KLRG1: variants seen among roughly 807,000 people sequenced by gnomAD.
KLRG1 encodes killer cell lectin like receptor G1, also known as killer cell lectin-like receptor subfamily G member 1.
In KLRG1, 16 loss-of-function variants were observed where a neutral mutation model predicts 21.8. That is an observed-to-expected ratio of 0.73 (90% CI 0.50 to 1.11). KLRG1 has a LOEUF of 1.11. Ranked by LOEUF, KLRG1 falls within the 50% of genes most tolerant of loss-of-function variation. The pLI is 0.00. For synonymous variants in KLRG1, 69 were observed against 75.9 expected, an observed-to-expected ratio of 0.91 and a Z score of 0.47; for missense variants, 173 against 218.3, an observed-to-expected ratio of 0.79 and a Z score of 1.31.
the KLRG1 span, among the ~76,000 whole-genome samples, chr12:9,139,840 A>AT: frequency 7.6e-6 from 1 of 131,364 alleles, no homozygotes; most frequent in South Asian, 2.5e-4. Flanking sequence ...CTGAGAGGGG[A>AT]TTCTGACCAA....
At chr12:9,089,211 AG>A in the KLRG1 span, 1 of 1,589,182 alleles carries the variant, frequency 6.3e-7, no homozygotes, top group Non-Finnish European at 8.6e-7. Context: ...TGATGGACAA[AG>A]TAGGGAGTTG....
chr12:9,085,538 T>C, the KLRG1 span, among the ~76,000 whole-genome samples: 1 of 151,634 alleles, frequency 6.6e-6, no homozygotes, highest in Admixed American at 6.6e-5. Context: ...CTTATAACAA[T>C]AAACACCAAA....
the KLRG1 span, among the ~76,000 whole-genome samples, chr12:9,187,164 A>G: frequency 2.6e-5 from 4 of 151,904 alleles, no homozygotes; most frequent in African/African-American, 4.8e-5. Context: ...ATCTACATGC[A>G]CCCAACACAG....
chr12:8,996,013 A>G (rs1371135325), intron 3 of KLRG1, among the ~76,000 whole-genome samples: 1 of 152,174 alleles, frequency 6.6e-6, no homozygotes, highest in Non-Finnish European at 1.5e-5. Flanking sequence ...GGAGGGAAAG[A>G]TAGAGATCAC....
At chr12:9,107,249 G>C in the KLRG1 span, among the ~76,000 whole-genome samples, 1 of 152,110 alleles carries the variant, frequency 6.6e-6, no homozygotes, top group Non-Finnish European at 1.5e-5. Flanking sequence ...GCAATTAAGA[G>C]GTGTATGGTT....
chr12:9,009,467 A>G lies in KLRG1; in HGVS notation c.500A>G (p.Asn167Ser), dbSNP rs1356141582. The G allele has an allele frequency of 1.2e-6, 2 of 1,613,846 alleles. No homozygotes were observed. The highest frequency in any genetic ancestry group is 1.7e-6 in the Non-Finnish European group (2 of 1,179,944). The change falls in exon 5 of 5, where the codon AAC (asparagine) becomes AGC (serine). Residue 167 changes from asparagine to serine, a missense_variant. Asn to Ser is a conservative substitution (Grantham distance 46). Around this residue, in one of 3 missense-constraint regions of KLRG1, gnomAD observed 26 missense variants for 36.9 expected, o/e 0.70. Coordinates refer to ENST00000356986, the MANE Select transcript of KLRG1 (RefSeq NM_005810.4). ...TTTGTGCAGACATGCGGTGCCATCA[A>G]CAAAAATGGTCTTCAAGCCTCAAGC... is the stretch of plus-strand genomic sequence containing the variant. ...NSFVQTCGAI[N>S]KNGLQASSCE...
At chr12:9,165,734 T>C in the KLRG1 span, among the ~76,000 whole-genome samples, 2 of 152,244 alleles carry the variant, frequency 1.3e-5, no homozygotes, top group Non-Finnish European at 2.9e-5. Context: ...GCCTGATTTG[T>C]TTATGTGCCT....
chr12:9,162,730 G>A, the KLRG1 span: 104 of 1,138,434 alleles, frequency 9.1e-5, 1 homozygote, highest in African/African-American at 1.2e-3. Context: ...TCTTTGATGG[G>A]TAGGGTTTAC....
chr12:9,068,644 T>G, the KLRG1 span: 2 of 975,970 alleles, frequency 2.0e-6, no homozygotes, highest in Non-Finnish European at 3.2e-6. Context: ...GATAATGTAA[T>G]TACTTAATGT....
chr12:9,097,499 CAA>C, the KLRG1 span, among the ~76,000 whole-genome samples: 1 of 152,092 alleles, frequency 6.6e-6, no homozygotes, highest in Admixed American at 6.5e-5. Context: ...TCCATATTTT[CAA>C]AGAGTTCAGT....
At chr12:9,150,704 C>T in the KLRG1 span, 3 of 1,613,126 alleles carry the variant, frequency 1.9e-6, no homozygotes, top group East Asian at 6.7e-5. Context: ...ACTGGGATGT[C>T]TTGCAGAACC....
chr12:8,974,940 G>A (rs2137266199), intron 1 of KLRG1, among the ~76,000 whole-genome samples: 1 of 151,774 alleles, frequency 6.6e-6, no homozygotes, highest in Admixed American at 6.6e-5. Context: ...CTGTCAGCCA[G>A]GCTGGGGTGC....
intron 3 of KLRG1, among the ~76,000 whole-genome samples, chr12:9,008,282 G>T (rs2137442054): frequency 6.6e-6 from 1 of 152,334 alleles, no homozygotes; most frequent in Admixed American, 6.5e-5. Context: ...GAAATAATCT[G>T]AATACCTATC....
intron 1 of KLRG1, among the ~76,000 whole-genome samples, chr12:8,982,319 A>C (rs966648354): frequency 6.6e-6 from 1 of 152,236 alleles, no homozygotes; most frequent in Non-Finnish European, 1.5e-5. Context: ...CAAGCCAAGA[A>C]ATTTGAAATT....
At chr12:9,155,042 G>A in the KLRG1 span, among the ~76,000 whole-genome samples, 60 of 152,308 alleles carry the variant, frequency 3.9e-4, no homozygotes, top group African/African-American at 1.4e-3. Context: ...GGTAGGGTAG[G>A]TTGATGGAGG....
At chr12:9,165,626 G>A in the KLRG1 span, among the ~76,000 whole-genome samples, 6 of 152,136 alleles carry the variant, frequency 3.9e-5, no homozygotes, top group East Asian at 1.9e-4. Context: ...TTTGAATTGC[G>A]ATTCATTTTA....
At chr12:9,113,202 G>A in the KLRG1 span, among the ~76,000 whole-genome samples, 2 of 150,468 alleles carry the variant, frequency 1.3e-5, no homozygotes, top group African/African-American at 4.9e-5. Flanking sequence ...TGGCTGGAGA[G>A]TCATGCATTG....
At chr12:9,124,131 T>C in the KLRG1 span, among the ~76,000 whole-genome samples, 2 of 152,226 alleles carry the variant, frequency 1.3e-5, no homozygotes, top group African/African-American at 4.8e-5. Context: ...CTAATCCTAG[T>C]GTAACAGACA....
the KLRG1 span, chr12:9,110,071 C>A: frequency 3.3e-5 from 52 of 1,577,518 alleles, no homozygotes; most frequent in African/African-American, 6.4e-4. Context: ...TACAAAAGCA[C>A]CTGGAGCATT....
Sources: allele counts gnomAD v4.1 joint callset (sites outside exome capture counted in the v4.1 genomes callset), GRCh38; gene constraint gnomAD v4.1.1; regional missense constraint gnomAD v4.1.1; transcripts MANE v1.5; gene names NCBI Gene and HGNC (gene_info 2026-07-23, HGNC 2026-07-21).